The following GALP variants were observed in gnomAD, a reference collection of about 807,000 sequenced individuals.
GALP encodes the protein galanin like peptide.
GALP carries 12 observed loss-of-function variants against 15.2 expected under a neutral mutation model. The observed-to-expected ratio is 0.79, with a 90% CI of 0.51 to 1.28. The LOEUF is 1.28. Among genes scored for constraint, GALP ranks in the 50% most tolerant of loss-of-function variants. The pLI is 0.00. For missense variants in GALP, 161 were observed against 145.6 expected (o/e 1.11, Z -0.55); for synonymous variants, 58 against 55.1 (o/e 1.05, Z -0.23).
At chr19:56,180,771 G>T (rs887982716) in intron 3 of GALP, 137 bp downstream of exon 3, 15 of 720,398 alleles carry the variant, frequency 2.1e-5, no homozygotes, top group Admixed American at 1.5e-4. Flanking sequence ...CTGTCTGGAG[G>T]GTTAGTCTAA....
chr19:56,178,393 G>T (rs1329170596), intron 2 of GALP, among the ~76,000 whole-genome samples: 1 of 151,842 alleles, frequency 6.6e-6, no homozygotes, highest in South Asian at 2.1e-4. Flanking sequence ...AACCCAGGAG[G>T]CTGAGTTTGC....
At chr19:56,180,851 G>A (rs60355149) in intron 3 of GALP, among the ~76,000 whole-genome samples, 2,688 of 149,506 alleles carry the variant, frequency 0.018, 100 homozygotes, top group Admixed American at 0.083. Context: ...CCCCTTGCTT[G>A]GTTTGCAACC....
intron 2 of GALP, among the ~76,000 whole-genome samples, chr19:56,178,902 C>G (rs897289710): frequency 6.6e-6 from 1 of 152,202 alleles, no homozygotes; most frequent in Non-Finnish European, 1.5e-5. Context: ...CGGCCGGGCA[C>G]GGTGGCTCAC....
chr19:56,180,172 C>CAA (rs1568577797), intron 2 of GALP, among the ~76,000 whole-genome samples: 2 of 152,188 alleles, frequency 1.3e-5, no homozygotes, highest in Non-Finnish European at 2.9e-5. Flanking sequence ...TTCGGCCTCC[C>CAA]CAAATGCTGG....
chr19:56,179,415 C>T (rs1042427743), intron 2 of GALP, among the ~76,000 whole-genome samples: 4 of 150,662 alleles, frequency 2.7e-5, no homozygotes, highest in African/African-American at 9.8e-5. Flanking sequence ...TCACGCCATT[C>T]TCGTGCCTCA....
intron 2 of GALP, among the ~76,000 whole-genome samples, chr19:56,180,347 C>T (rs2032542528): frequency 1.3e-5 from 2 of 152,236 alleles, no homozygotes; most frequent in Admixed American, 6.5e-5. Flanking sequence ...TCTCCTTCCC[C>T]CCAGCCCCCA....
At chr19:56,180,724 C>T (rs1599929228) in intron 3 of GALP, 90 bp downstream of exon 3, 1 of 980,818 alleles carries the variant, frequency 1.0e-6, no homozygotes, top group Non-Finnish European at 1.6e-6. Flanking sequence ...AAGACCCTCA[C>T]CCACATTCAC....
intron 3 of GALP, 24 bp from the exon 4 acceptor site, chr19:56,182,148 C>G: frequency 6.4e-7 from 1 of 1,571,760 alleles, no homozygotes; most frequent in African/African-American, 1.3e-5. Context: ...ACCACCTGCT[C>G]TTGCTCTCTC....
At position 56,185,340 on chromosome 19, in the gene GALP, T is replaced by C; in HGVS notation, c.*70T>C. 1 of 885,310 alleles carries C rather than the reference T, an allele frequency of 1.1e-6. No individual in the cohort carries two copies. Among genetic ancestry groups the C allele is most frequent in the East Asian group, 2.5e-5 (1 of 39,390 alleles). 54.8% of individuals were successfully genotyped at this position (885,310 alleles called of 1,614,324 possible). ...TGCTCCCTCTGAAACCTTTTCTAGG[T>C]ACCCTATGCTGAGACTAAGATCCTG... is the stretch of plus-strand genomic sequence containing the variant. On this transcript the variant is annotated 3_prime_UTR_variant, in exon 6 of 6. Transcript: ENST00000357330.
At chr19:56,178,620 G>A (rs2122159309) in intron 2 of GALP, among the ~76,000 whole-genome samples, 1 of 150,802 alleles carries the variant, frequency 6.6e-6, no homozygotes, top group Non-Finnish European at 1.5e-5. Context: ...TCTTTGGCAA[G>A]CTATTTGTTT....
chr19:56,180,915 C>CTTTTTTTTTTTT (rs1174325788), intron 3 of GALP, among the ~76,000 whole-genome samples: 2 of 40,128 alleles, frequency 5.0e-5, no homozygotes, highest in African/African-American at 1.8e-4. Context: ...TTCTTTCTTT[C>CTTTTTTTTTTTT]TTTTTTTTTT....
chr19:56,182,248 C>T lies in GALP; in HGVS notation c.213C>T (p.Ala71=). 6.2e-7 allele frequency: 1 copy of T among 1,612,790 alleles called. No homozygotes were observed. Among genetic ancestry groups the T allele is most frequent in the Non-Finnish European group, 8.5e-7 (1 of 1,178,824 alleles). The stretch of plus-strand genomic sequence containing the variant: ...TTGAGATCCTAGACCTGTGGAAGGC[C>T]ATCGGTGAGTGAGCGGGGAGTTAGA... ...TALEILDLWK[A]IDGLPYSHPP... is the part of the protein sequence containing the mutation. The change falls in exon 4 of 6, where the codon GCC becomes GCT. Residue 71 remains alanine (A), a synonymous_variant. Coordinates refer to ENST00000357330, the MANE Select transcript of GALP (RefSeq NM_033106.4).
Position 56,182,173 on chromosome 19 carries a change from C to T in GALP, c.138C>T (p.Val46=). 3 of 1,612,802 alleles carry T rather than the reference C, an allele frequency of 1.9e-6. No homozygotes were observed. Among genetic ancestry groups the T allele is most frequent in the South Asian group, 2.2e-5 (2 of 91,032 alleles). The stretch of plus-strand genomic sequence containing the variant: ...CTTGCTCTCTCCCTCCCTACCCAGT[C>T]CTCCACCTTCCCCAAATGGGTGACC... ...LNSAGYLLGP[V]LHLPQMGDQD... is the part of the protein sequence containing the mutation. Residue 46 remains valine, a splice_region_variant and synonymous_variant, in exon 4 of 6, where the codon GTC becomes GTT. Coordinates refer to ENST00000357330, the MANE Select transcript of GALP (RefSeq NM_033106.4).
intron 4 of GALP, among the ~76,000 whole-genome samples, chr19:56,182,888 C>T (rs1034331451): frequency 3.9e-5 from 6 of 152,028 alleles, no homozygotes; most frequent in South Asian, 2.1e-4. Flanking sequence ...TTTGGGGGTA[C>T]ATGTGCAGGT....
intron 2 of GALP, among the ~76,000 whole-genome samples, chr19:56,179,665 A>T (rs2032529347): frequency 6.8e-6 from 1 of 146,868 alleles, no homozygotes. Flanking sequence ...TTTCTTTGAG[A>T]CAGAGTCTCG....
Position 56,184,763 on chromosome 19 carries a change from AT to A in GALP, c.296-451del, listed in dbSNP as rs563548238. 2.7e-3 allele frequency among the ~76,000 whole-genome samples: 413 copies of A among 151,956 alleles called. 2 individuals carry two copies. Among genetic ancestry groups the A allele is most frequent in the Non-Finnish European group, 5.1e-3 (344 of 67,980 alleles). Reference sequence around the variant, plus strand: ...CTCCCCAAGTGCTGGGATTACAGGCATGAGCCACTGCGCCCAGCTCCTTCTT... The same window carrying A: ...CTCCCCAAGTGCTGGGATTACAGGCAGAGCCACTGCGCCCAGCTCCTTCTT... On this transcript the variant is annotated intron_variant, in intron 5 of 5. Transcript: ENST00000357330.
intron 5 of GALP, among the ~76,000 whole-genome samples, chr19:56,184,506 C>T (rs1401070471): frequency 1.2e-4 from 13 of 104,588 alleles, no homozygotes; most frequent in South Asian, 5.9e-4. Flanking sequence ...TTTTTTGAGA[C>T]GGAGTCTCGC....
At position 56,185,523 on chromosome 19, in the gene GALP, GGGGTAATCA is replaced by G. The variant is rs368603395; in HGVS notation, c.*257_*265del. ...ATTCGAGGACTAGTTGGGAGATTCT[GGGGTAATCA>G]GGGAATATTCCTGCAACACATTTAA... is the stretch of plus-strand genomic sequence containing the variant. On this transcript the variant is annotated 3_prime_UTR_variant, in exon 6 of 6. Coordinates refer to ENST00000357330, the MANE Select transcript of GALP (RefSeq NM_033106.4). 10 of 341,606 alleles carry G rather than the reference GGGGTAATCA, an allele frequency of 2.9e-5. No homozygotes were observed. The highest frequency in any genetic ancestry group is 1.9e-4 in the African/African-American group (9 of 46,840). The allele number at this position is 341,606 out of a possible 1,614,324, so 21.2% of individuals were successfully genotyped here.
intron 2 of GALP, 122 bp from the exon 3 acceptor site, chr19:56,180,464 G>A: frequency 3.8e-6 from 3 of 787,298 alleles, no homozygotes; most frequent in Non-Finnish European, 6.7e-6. Context: ...AATGGGGATT[G>A]AAATGAACCT....
Sources: gnomAD v4.1 joint callset for allele counts (sites outside exome capture counted in the v4.1 genomes callset) on GRCh38, gnomAD v4.1.1 for gene constraint, MANE v1.5 for transcripts, NCBI Gene and HGNC (gene_info 2026-07-23, HGNC 2026-07-21) for gene names.